The following DRC3 variants were observed in gnomAD, a reference collection of about 807,000 sequenced individuals.
The protein encoded by DRC3 is leucine rich repeat containing 48.
In DRC3, 45 loss-of-function variants were observed where a neutral mutation model predicts 57.6. The ratio of observed to expected loss-of-function variants is 0.78; its 90% CI spans 0.62 to 1.00. The LOEUF is 1.00. DRC3 is among the 50% of genes least tolerant of loss of function. DRC3 has a pLI of 0.00. For synonymous variants in DRC3, 257 were observed against 272.3 expected (o/e 0.94, Z 0.55); for missense variants, 655 against 675.2 (o/e 0.97, Z 0.33).
chr17:18,004,609 C>A, intron 10 of DRC3, 115 bp downstream of exon 10: 1 of 1,182,630 alleles, frequency 8.5e-7, no homozygotes, highest in Non-Finnish European at 1.2e-6. Flanking sequence ...CACGACTCAG[C>A]GTGGCAGGCT....
intron 3 of DRC3, chr17:17,978,055 A>G (rs561187688): frequency 3.3e-4 from 80 of 244,176 alleles, no homozygotes; most frequent in African/African-American, 1.8e-3. Context: ...TGTTTCCATC[A>G]CACAACTCCA....
chr17:18,015,798 G>A (rs1428192913), intron 12 of DRC3: 2 of 372,182 alleles, frequency 5.4e-6, no homozygotes, highest in African/African-American at 4.0e-5. Flanking sequence ...CTTCACCCTG[G>A]AGGAAACATG....
chr17:18,016,526 G>A (rs1317161138), intron 13 of DRC3, 32 bp from the exon 14 acceptor site: 1 of 1,442,508 alleles, frequency 6.9e-7, no homozygotes, highest in Non-Finnish European at 9.7e-7. Context: ...ATGATCTGAT[G>A]TAAGGAATCG....
intron 4 of DRC3, among the ~76,000 whole-genome samples, chr17:17,986,821 C>A (rs1429001251): frequency 6.6e-6 from 1 of 152,122 alleles, no homozygotes; most frequent in Non-Finnish European, 1.5e-5. Context: ...TTTCCAAGCC[C>A]AGGAAAAATG....
intron 12 of DRC3, among the ~76,000 whole-genome samples, chr17:18,009,622 A>G (rs919958415): frequency 1.3e-5 from 2 of 152,182 alleles, no homozygotes; most frequent in African/African-American, 4.8e-5. Context: ...TATAACAGAT[A>G]GGGTTGTGAT....
chr17:17,994,625 T>C (rs936420672), intron 7 of DRC3, among the ~76,000 whole-genome samples: 6 of 152,138 alleles, frequency 3.9e-5, no homozygotes, highest in African/African-American at 1.4e-4. Flanking sequence ...CTGACCCTAC[T>C]CCTTACTGGC....
intron 12 of DRC3, among the ~76,000 whole-genome samples, chr17:18,009,250 C>T (rs560537742): frequency 2.0e-5 from 3 of 152,208 alleles, no homozygotes; most frequent in Non-Finnish European, 2.9e-5. Context: ...CCCCTCTCTA[C>T]AAATAATAAT....
chr17:17,997,650 C>T lies in DRC3; in HGVS notation c.999+16C>T, dbSNP rs373059687. 1.1e-5 allele frequency: 18 copies of T among 1,575,282 alleles called. No individual in the cohort carries two copies. The African/African-American group carries it at 2.4e-4, about 21-fold the overall frequency. ...GCACTTGTCGGTAGGCCCCGAGCCTCCTGAGGCCCTCCCTGTCTCCTGCTG... is the reference window on the plus strand; with the variant it reads ...GCACTTGTCGGTAGGCCCCGAGCCTTCTGAGGCCCTCCCTGTCTCCTGCTG... On this transcript the variant is annotated intron_variant, in intron 9 of 13. Coordinates refer to ENST00000399187, the MANE Select transcript of DRC3 (RefSeq NM_031294.4).
intron 4 of DRC3, among the ~76,000 whole-genome samples, chr17:17,985,082 A>G (rs2042897175): frequency 6.6e-6 from 1 of 152,126 alleles, no homozygotes; most frequent in East Asian, 1.9e-4. Flanking sequence ...TGATTCATGA[A>G]TGCCATGGTT....
intron 12 of DRC3, among the ~76,000 whole-genome samples, chr17:18,012,270 T>C (rs1031365969): frequency 6.6e-6 from 1 of 152,188 alleles, no homozygotes; most frequent in African/African-American, 2.4e-5. Context: ...AAAGACAGTC[T>C]CTTCAATAGA....
intron 1 of DRC3, among the ~76,000 whole-genome samples, chr17:17,973,331 T>C (rs1021127883): frequency 6.6e-6 from 1 of 152,232 alleles, no homozygotes; most frequent in Non-Finnish European, 1.5e-5. Flanking sequence ...ATAACTGACC[T>C]CATAACTATC....
At chr17:18,007,648 C>G (rs2044029535) in intron 12 of DRC3, 1 of 1,388,152 alleles carries the variant, frequency 7.2e-7, no homozygotes, top group Admixed American at 2.9e-5. Context: ...GGCTCCATCC[C>G]TGGGGTCTGC....
chr17:18,006,928 G>A (rs1019931948), intron 11 of DRC3, 96 bp from the exon 12 acceptor site: 7 of 1,545,856 alleles, frequency 4.5e-6, no homozygotes, highest in African/African-American at 1.4e-5. Context: ...TTCCGAGCTC[G>A]CCTTGGGCCC....
At chr17:17,999,918 G>GTT (rs1441191081) in intron 9 of DRC3, among the ~76,000 whole-genome samples, 1 of 152,238 alleles carries the variant, frequency 6.6e-6, no homozygotes, top group African/African-American at 2.4e-5. Flanking sequence ...GTATCTCTGT[G>GTT]TGTGTGTGTG....
In DRC3 at chr17:18,016,812, C is replaced by A. The variant is rs1459165169; in HGVS notation, c.*141C>A. ...ATCCCCAACACCATTCTTCCCCCACCCCTGGAAAAACTTCCAAAAGTAGAG... is the reference window on the plus strand; with the variant it reads ...ATCCCCAACACCATTCTTCCCCCACACCTGGAAAAACTTCCAAAAGTAGAG... On this transcript the variant is annotated 3_prime_UTR_variant, in exon 14 of 14. Transcript: ENST00000399187. The A allele has an allele frequency of 1.2e-5, 6 of 506,938 alleles. No individual in the cohort carries two copies. Among genetic ancestry groups the A allele is most frequent in the Non-Finnish European group, 2.1e-5 (6 of 285,770 alleles). 31.4% of individuals were successfully genotyped at this position (506,938 alleles called of 1,614,324 possible). A position where few individuals can be genotyped will look rare whatever the true frequency, so the allele number is the denominator to read the frequency against.
intron 3 of DRC3, chr17:17,981,521 C>T (rs952897262): frequency 3.3e-5 from 5 of 153,658 alleles, no homozygotes; most frequent in Non-Finnish European, 7.3e-5. Flanking sequence ...CTGGCCGGCC[C>T]CTAGGTTGTA....
At chr17:18,006,003 C>A in intron 10 of DRC3, 180 bp from the exon 11 acceptor site, 1 of 591,356 alleles carries the variant, frequency 1.7e-6, no homozygotes, top group South Asian at 2.1e-5. Flanking sequence ...TGGAGAACAA[C>A]AACTTTAGAG....
intron 3 of DRC3, among the ~76,000 whole-genome samples, chr17:17,979,213 A>G (rs979441312): frequency 1.3e-5 from 2 of 152,230 alleles, no homozygotes; most frequent in Non-Finnish European, 2.9e-5. Flanking sequence ...CCGCCTTATC[A>G]TCTCTGCTGA....
chr17:17,981,197 C>T (rs1208408825), intron 3 of DRC3: 14 of 236,010 alleles, frequency 5.9e-5, no homozygotes, highest in Non-Finnish European at 1.3e-4. Flanking sequence ...TAAGCAAAGG[C>T]TGCTCTGCAG....
Sources: gnomAD v4.1 joint callset for allele counts (sites outside exome capture counted in the v4.1 genomes callset) on GRCh38, gnomAD v4.1.1 for gene constraint, MANE v1.5 for transcripts, NCBI Gene and HGNC (gene_info 2026-07-23, HGNC 2026-07-21) for gene names.